PRDM16: variants seen among roughly 807,000 people sequenced by gnomAD.
PRDM16 encodes histone-lysine N-methyltransferase PRDM16.
Under a neutral mutation model 110.6 loss-of-function variants are expected in PRDM16, and 23 were observed. The ratio of observed to expected loss-of-function variants is 0.21; its 90% CI spans 0.15 to 0.29. The LOEUF is 0.29. PRDM16 is among the 10% of genes least tolerant of loss of function. PRDM16 has a pLI of 1.00. For missense variants in PRDM16, 1,615 were observed against 1,794.3 expected (o/e 0.90, Z 1.81); for synonymous variants, 799 against 781.8 (o/e 1.02, Z -0.37).
At chr1:3,392,408 T>G (rs546467172) in intron 4 of PRDM16, among the ~76,000 whole-genome samples, 1 of 152,216 alleles carries the variant, frequency 6.6e-6, no homozygotes, top group African/African-American at 2.4e-5. Flanking sequence ...ATGGAAAAAA[T>G]TCATTTATTC....
In PRDM16 at chr1:3,415,594, G is replaced by C. The variant is rs535841320; in HGVS notation, c.2691+947G>C. ...GCTGGAAAGAGCCACGAGCCAGCCA[G>C]GCGCATCCTGCGTTTGTTTGTGCGG... On this transcript the variant is annotated intron_variant, in intron 10 of 16. Coordinates refer to ENST00000270722, the MANE Select transcript of PRDM16 (RefSeq NM_022114.4). 1.3e-4 allele frequency among the ~76,000 whole-genome samples: 20 copies of C among 152,398 alleles called. 1 individual carries two copies. In the South Asian group the frequency reaches 2.7e-3, roughly 21 times the overall value.
chr1:3,126,302 G>A (rs978225167), intron 1 of PRDM16, among the ~76,000 whole-genome samples: 1 of 152,172 alleles, frequency 6.6e-6, no homozygotes, highest in African/African-American at 2.4e-5. Flanking sequence ...CTGGCCCCAG[G>A]CCAGCCCTGG....
At chr1:3,361,379 A>T (rs1380772549) in intron 3 of PRDM16, among the ~76,000 whole-genome samples, 1 of 152,142 alleles carries the variant, frequency 6.6e-6, no homozygotes, top group African/African-American at 2.4e-5. Context: ...CCCTCCACCG[A>T]TGTCTGGGCA....
At chr1:3,093,150 CA>C (rs1017992902) in intron 1 of PRDM16, among the ~76,000 whole-genome samples, 2 of 152,206 alleles carry the variant, frequency 1.3e-5, no homozygotes, top group Non-Finnish European at 2.9e-5. Flanking sequence ...CTCACCCCTT[CA>C]TACTGTTTTC....
chr1:3,210,365 G>A (rs183366326), intron 2 of PRDM16, among the ~76,000 whole-genome samples: 130 of 152,340 alleles, frequency 8.5e-4, no homozygotes, highest in African/African-American at 3.0e-3. Flanking sequence ...CAAGGCCCTG[G>A]AAGGCTTTCC....
intron 3 of PRDM16, among the ~76,000 whole-genome samples, chr1:3,273,871 G>A (rs1166947845): frequency 7.0e-6 from 1 of 142,786 alleles, no homozygotes; most frequent in East Asian, 2.0e-4. Context: ...TTATATGGGG[G>A]TGCCAGCCTA....
chr1:3,365,162 GC>G (rs1285804242), intron 3 of PRDM16, among the ~76,000 whole-genome samples: 1 of 152,118 alleles, frequency 6.6e-6, no homozygotes, highest in Admixed American at 6.5e-5. Flanking sequence ...GGGTCGCATG[GC>G]CCCCCGCCTG....
At position 3,080,266 on chromosome 1, in the gene PRDM16, C is replaced by T. The variant is rs560063902; in HGVS notation, c.37+10970C>T. ...GTGAAAATATTAAATTGCAATAACACGCCGTGCGAGTGCCTCTCTGAATGG... is the reference window on the plus strand; with the variant it reads ...GTGAAAATATTAAATTGCAATAACATGCCGTGCGAGTGCCTCTCTGAATGG... On this transcript the variant is annotated intron_variant, in intron 1 of 16. Coordinates refer to ENST00000270722, the MANE Select transcript of PRDM16 (RefSeq NM_022114.4). This position sits in a 1 kb window ranked among gnomAD's most constrained non-coding sequence, Gnocchi z 5.2. 1.4e-4 allele frequency among the ~76,000 whole-genome samples: 22 copies of T among 152,284 alleles called. No homozygotes were observed. Among genetic ancestry groups the T allele is most frequent in the South Asian group, 2.1e-4 (1 of 4,822 alleles).
chr1:3,095,501 G>C (rs1642375555), intron 1 of PRDM16, among the ~76,000 whole-genome samples: 1 of 152,258 alleles, frequency 6.6e-6, no homozygotes, highest in Admixed American at 6.5e-5. Flanking sequence ...GCTGTGTCCC[G>C]GGGCAGCCCA....
intron 2 of PRDM16, among the ~76,000 whole-genome samples, chr1:3,234,165 G>A (rs577120855): frequency 1.2e-4 from 18 of 152,264 alleles, no homozygotes; most frequent in Admixed American, 3.9e-4. Context: ...TGTTGATTTC[G>A]TCTTCAGGGT....
Position 3,431,072 on chromosome 1 carries a change from C to T in PRDM16, c.3485C>T (p.Ala1162Val). ...GAGGATGAGGAGGATGAGGAGCCAG[C>T]CGCCTCCCTGGCCGTGGGCTTTGAC... The part of the protein sequence containing the change: ...AYEDEEDEEP[A>V]ASLAVGFDHT... Residue 1162 changes from alanine to valine, a missense_variant, in exon 15 of 17, where the codon GCC (alanine) becomes GTC (valine). By Grantham distance (64) the Ala-to-Val change is moderately conservative. This residue lies in a region of PRDM16 where 327 missense variants were observed against 359.3 expected (regional missense o/e 0.91). Transcript: ENST00000270722. 6.4e-7 allele frequency: 1 copy of T among 1,553,300 alleles called. No homozygotes were observed. Among genetic ancestry groups the T allele is most frequent in the Non-Finnish European group, 8.7e-7 (1 of 1,148,760 alleles).
At chr1:3,174,702 T>G (rs1020016283) in intron 1 of PRDM16, among the ~76,000 whole-genome samples, 10 of 152,068 alleles carry the variant, frequency 6.6e-5, no homozygotes, top group African/African-American at 2.4e-4. Context: ...TGGGGAAATT[T>G]CTGTGCTTCG....
intron 15 of PRDM16, 35 bp from the exon 16 acceptor site, chr1:3,431,931 C>A: frequency 6.3e-7 from 1 of 1,598,364 alleles, no homozygotes; most frequent in South Asian, 1.1e-5. Context: ...AGGCTGCTGA[C>A]AGCAGGCCTT....
intron 3 of PRDM16, among the ~76,000 whole-genome samples, chr1:3,299,299 C>T (rs1386159829): frequency 1.0e-4 from 14 of 137,102 alleles, no homozygotes; most frequent in Middle Eastern, 4.0e-3. Context: ...ATGCTGTGGC[C>T]ATGATGTTTC....
chr1:3,360,078 G>A (rs1642685126), intron 3 of PRDM16, among the ~76,000 whole-genome samples: 1 of 152,264 alleles, frequency 6.6e-6, no homozygotes, highest in African/African-American at 2.4e-5. Flanking sequence ...GAAAGCTCTG[G>A]TAAATGAATC....
At chr1:3,303,392 G>A (rs139302869) in intron 3 of PRDM16, among the ~76,000 whole-genome samples, 93 of 152,186 alleles carry the variant, frequency 6.1e-4, no homozygotes, top group African/African-American at 2.0e-3. Context: ...GTGAACACGC[G>A]TCAGTCTCCC....
At chr1:3,326,510 G>A (rs1181573504) in intron 3 of PRDM16, among the ~76,000 whole-genome samples, 1 of 152,124 alleles carries the variant, frequency 6.6e-6, no homozygotes, top group Non-Finnish European at 1.5e-5. Flanking sequence ...GGTGGGAGCT[G>A]ACCCTGGAAT....
chr1:3,249,126 G>A (rs138877016), intron 3 of PRDM16, among the ~76,000 whole-genome samples: 21 of 152,260 alleles, frequency 1.4e-4, no homozygotes, highest in East Asian at 7.7e-4. Context: ...CCACGCAGCC[G>A]GAGACTGCTG....
chr1:3,083,591 CTG>C (rs67989004), intron 1 of PRDM16, among the ~76,000 whole-genome samples: 83,335 of 148,264 alleles, frequency 0.56, 23,725 homozygotes, highest in East Asian at 0.66. Flanking sequence ...ACAGCGCCTG[CTG>C]TCAGGGGAGG....
Sources: allele counts gnomAD v4.1 joint callset (sites outside exome capture counted in the v4.1 genomes callset), GRCh38; gene constraint gnomAD v4.1.1; regional missense constraint gnomAD v4.1.1; non-coding constraint Gnocchi (gnomAD v3.1); transcripts MANE v1.5; gene names NCBI Gene and HGNC (gene_info 2026-07-23, HGNC 2026-07-21).